Variants in TMEM245 observed in about 807,000 individuals in gnomAD.
TMEM245 encodes the protein protein CG-2.
TMEM245 carries 69 observed loss-of-function variants against 101.2 expected under a neutral mutation model. That is an observed-to-expected ratio of 0.68 (90% CI 0.56 to 0.83). TMEM245 has a LOEUF of 0.83. TMEM245 is among the 40% of genes least tolerant of loss of function. TMEM245 has a pLI of 0.00. For synonymous variants in TMEM245, 537 were observed against 449.8 expected (o/e 1.19, Z -2.45); for missense variants, 1,075 against 1,092.8 (o/e 0.98, Z 0.23).
chr9:109,095,760 G>C (rs1047305129), intron 3 of TMEM245, among the ~76,000 whole-genome samples: 3 of 152,172 alleles, frequency 2.0e-5, no homozygotes, highest in Admixed American at 6.5e-5. Context: ...ACAAGATACA[G>C]AACAGCATCA....
rs917495328 is a variant in TMEM245, at chr9:109,055,165, C to G, written c.1854+2026G>C. 2.6e-5 allele frequency among the ~76,000 whole-genome samples: 4 copies of G among 152,316 alleles called. No homozygotes were observed. In the East Asian group the frequency reaches 7.7e-4, roughly 29 times the overall value. The stretch of plus-strand genomic sequence containing the variant: ...TCACTTCATTCATCAATAACAGACA[C>G]TTTTAAGTTCAACGACTACAGTCAC... On this transcript the variant is annotated intron_variant, in intron 12 of 17. Coordinates refer to ENST00000374586, the MANE Select transcript of TMEM245 (RefSeq NM_032012.4).
chr9:109,083,883 C>A (rs1829741680), intron 7 of TMEM245, among the ~76,000 whole-genome samples: 1 of 82,638 alleles, frequency 1.2e-5, no homozygotes, highest in African/African-American at 4.0e-5. Context: ...TAGCAAAACC[C>A]CATCTCTACT....
At chr9:109,020,941 TA>T (rs1827602780) in intron 17 of TMEM245, among the ~76,000 whole-genome samples, 1 of 152,194 alleles carries the variant, frequency 6.6e-6, no homozygotes, top group Non-Finnish European at 1.5e-5. Context: ...TATTACAAAA[TA>T]GAAATCGTAA....
intron 17 of TMEM245, among the ~76,000 whole-genome samples, chr9:109,023,728 C>T (rs939565739): frequency 6.6e-6 from 1 of 150,988 alleles, no homozygotes; most frequent in African/African-American, 2.4e-5. Flanking sequence ...CCCAGCTACT[C>T]GGGAGGCTGA....
Position 109,080,905 on chromosome 9 carries a change from A to T in TMEM245, c.1383T>A (p.Ile461=), listed in dbSNP as rs1162502386. 1 of 1,610,122 alleles carries T rather than the reference A, an allele frequency of 6.2e-7. No individual in the cohort carries two copies. Among genetic ancestry groups the T allele is most frequent in the African/African-American group, 1.3e-5 (1 of 74,796 alleles). Residue 461 remains isoleucine, a synonymous_variant, in exon 8 of 18, where the codon ATT becomes ATA. Transcript: ENST00000374586. ...IWLEKMLDKI[I]SIFIIFLLVI... is the part of the protein sequence containing the mutation. ...CTAACAAAAATATGATGAAAATGCT[A>T]ATTATTTTATCTAACATCTTCTCCA...
intron 17 of TMEM245, among the ~76,000 whole-genome samples, chr9:109,024,820 A>ATT (rs1827747849): frequency 6.6e-6 from 1 of 152,246 alleles, no homozygotes; most frequent in Non-Finnish European, 1.5e-5. Context: ...GAAGAAAGGC[A>ATT]TGAGAAGTCT....
chr9:109,054,097 G>A (rs561575082), intron 12 of TMEM245, among the ~76,000 whole-genome samples: 1 of 152,148 alleles, frequency 6.6e-6, no homozygotes, highest in Admixed American at 6.5e-5. Flanking sequence ...TTGGGAGGCC[G>A]AGGTGAAAGA....
intron 10 of TMEM245, among the ~76,000 whole-genome samples, chr9:109,062,449 G>C (rs190590777): frequency 6.6e-6 from 1 of 152,136 alleles, no homozygotes; most frequent in Non-Finnish European, 1.5e-5. Flanking sequence ...GAATTTAACA[G>C]GTGTGAAATG....
intron 17 of TMEM245, among the ~76,000 whole-genome samples, chr9:109,031,278 G>A (rs535879608): frequency 1.3e-5 from 2 of 152,164 alleles, no homozygotes; most frequent in African/African-American, 2.4e-5. Flanking sequence ...AAAAACGTTC[G>A]TGGCAAAATA....
Position 109,119,851 on chromosome 9 carries a change from C to G in TMEM245, c.63G>C (p.Pro21=). The part of the protein sequence containing the change: ...PSLRSSPGPA[P]RVPRAVGPSG... Reference sequence around the variant, plus strand: ...TCGGCCCGACCGCGCGCGGGACCCGCGGCGCCGGCCCGGGAGAGCTCCGCA... The same window carrying G: ...TCGGCCCGACCGCGCGCGGGACCCGGGGCGCCGGCCCGGGAGAGCTCCGCA... The change falls in exon 1 of 18, where the codon CCG becomes CCC. Residue 21 remains proline (P), a synonymous_variant. Transcript: ENST00000374586. The G allele has an allele frequency of 7.5e-7, 1 of 1,329,512 alleles. No individual in the cohort carries two copies. The highest frequency in any genetic ancestry group is 9.5e-7 in the Non-Finnish European group (1 of 1,050,256). The allele number at this position is 1,329,512 out of a possible 1,614,324, so 82.4% of individuals were successfully genotyped here. A position where few individuals can be genotyped will look rare whatever the true frequency, so the allele number is the denominator to read the frequency against.
chr9:109,097,563 CAT>C (rs1441498817), intron 3 of TMEM245, among the ~76,000 whole-genome samples: 1 of 152,292 alleles, frequency 6.6e-6, no homozygotes, highest in African/African-American at 2.4e-5. Flanking sequence ...CCAGTCTCCT[CAT>C]GTGTAAAAAT....
intron 12 of TMEM245, among the ~76,000 whole-genome samples, chr9:109,053,402 G>A (rs1214335294): frequency 1.3e-5 from 2 of 152,092 alleles, no homozygotes; most frequent in Non-Finnish European, 2.9e-5. Flanking sequence ...ACTCCAGACT[G>A]GATGACAAAG....
intron 14 of TMEM245, among the ~76,000 whole-genome samples, chr9:109,041,453 ATTTTTTTTT>A (rs1193341550): frequency 2.4e-5 from 2 of 83,206 alleles, no homozygotes; most frequent in African/African-American, 1.0e-4. Flanking sequence ...CATCCTACAA[ATTTTTTTTT>A]TTTTTTTTTT....
At chr9:109,036,064 G>T in intron 16 of TMEM245, 142 bp downstream of exon 16, 1 of 484,552 alleles carries the variant, frequency 2.1e-6, no homozygotes, top group Non-Finnish European at 3.3e-6. Flanking sequence ...TTTCATTTGT[G>T]GGAACACAAA....
chr9:109,093,012 G>C (rs1830049134), intron 4 of TMEM245, among the ~76,000 whole-genome samples: 1 of 152,014 alleles, frequency 6.6e-6, no homozygotes. Context: ...GTTGGGAAAA[G>C]GGAACAAAAG....
intron 1 of TMEM245, among the ~76,000 whole-genome samples, chr9:109,117,489 G>A (rs1016787891): frequency 6.6e-6 from 1 of 152,118 alleles, no homozygotes; most frequent in Admixed American, 6.5e-5. Context: ...AATCAGTGTT[G>A]GCCCCTACTT....
intron 9 of TMEM245, among the ~76,000 whole-genome samples, chr9:109,067,088 T>G (rs1053238812): frequency 3.3e-5 from 5 of 149,888 alleles, no homozygotes; most frequent in African/African-American, 1.2e-4. Flanking sequence ...TGAAGATTCA[T>G]AGAGGTATCT....
At chr9:109,040,226 G>A (rs1321268152) in intron 14 of TMEM245, among the ~76,000 whole-genome samples, 1 of 152,044 alleles carries the variant, frequency 6.6e-6, no homozygotes, top group African/African-American at 2.4e-5. Context: ...TTGTGATCTG[G>A]CACACAAGTT....
At chr9:109,087,480 G>T in intron 5 of TMEM245, 138 bp from the exon 6 acceptor site, 2 of 907,482 alleles carry the variant, frequency 2.2e-6, no homozygotes, top group Non-Finnish European at 3.1e-6. Context: ...TAAAAAGCAG[G>T]GTGGGACTCA....
Sources: allele counts gnomAD v4.1 joint callset (sites outside exome capture counted in the v4.1 genomes callset), GRCh38; gene constraint gnomAD v4.1.1; transcripts MANE v1.5; gene names NCBI Gene and HGNC (gene_info 2026-07-23, HGNC 2026-07-21).